Variants in ERAP1 observed in about 807,000 individuals in gnomAD.
ERAP1 encodes adipocyte-derived leucine aminopeptidase.
In ERAP1, 86 loss-of-function variants were observed where a neutral mutation model predicts 103.7. The ratio of observed to expected loss-of-function variants is 0.83; its 90% CI spans 0.70 to 0.99. The LOEUF is 0.99. ERAP1 is among the 50% of genes least tolerant of loss of function. ERAP1 has a pLI of 0.00. For synonymous variants in ERAP1, 398 were observed against 402.4 expected (o/e 0.99, Z 0.13); for missense variants, 1,009 against 1,128.4 (o/e 0.89, Z 1.52).
the ERAP1 span, among the ~76,000 whole-genome samples, chr5:96,834,079 A>G: frequency 1.3e-5 from 2 of 152,248 alleles, no homozygotes; most frequent in Non-Finnish European, 2.9e-5. Flanking sequence ...GCTTCACAGA[A>G]TGAGAAAGCG....
chr5:96,890,795 T>C, the ERAP1 span, among the ~76,000 whole-genome samples: 1 of 152,206 alleles, frequency 6.6e-6, no homozygotes, highest in South Asian at 2.1e-4. Context: ...AGGTTCTATA[T>C]ACTCTTTAGT....
At chr5:96,849,108 G>A in the ERAP1 span, among the ~76,000 whole-genome samples, 1 of 151,924 alleles carries the variant, frequency 6.6e-6, no homozygotes, top group African/African-American at 2.4e-5. Context: ...AATAATATAG[G>A]CATCAAAGAA....
the ERAP1 span, among the ~76,000 whole-genome samples, chr5:96,870,964 T>C: frequency 6.6e-6 from 1 of 152,220 alleles, no homozygotes; most frequent in African/African-American, 2.4e-5. Flanking sequence ...TCCTTTTCAG[T>C]GGTTCAGTTT....
chr5:96,789,765 C>A (rs1776519048), intron 10 of ERAP1, among the ~76,000 whole-genome samples: 1 of 152,178 alleles, frequency 6.6e-6, no homozygotes, highest in Non-Finnish European at 1.5e-5. Context: ...AAATTCAGAT[C>A]TCTGCTCTGC....
the ERAP1 span, among the ~76,000 whole-genome samples, chr5:96,866,144 C>T: frequency 6.6e-6 from 1 of 152,174 alleles, no homozygotes; most frequent in East Asian, 1.9e-4. Context: ...GTGTTATCTA[C>T]ATGCTTCATG....
At chr5:96,935,834 G>T in the ERAP1 span, 1 of 359,372 alleles carries the variant, frequency 2.8e-6, no homozygotes, top group Non-Finnish European at 5.1e-6. Flanking sequence ...CCCGGCCGGG[G>T]AGAGCGCCGC....
the ERAP1 span, among the ~76,000 whole-genome samples, chr5:96,884,121 G>C: frequency 1.4e-5 from 2 of 148,072 alleles, no homozygotes; most frequent in Non-Finnish European, 3.0e-5. Flanking sequence ...ACATCATTCT[G>C]TTTGGGGCAT....
chr5:96,900,063 C>A, the ERAP1 span: 1 of 1,594,778 alleles, frequency 6.3e-7, no homozygotes, highest in Admixed American at 1.7e-5. Context: ...GGCTAATGTG[C>A]ACGTTCAGCC....
chr5:96,840,594 G>T, the ERAP1 span, among the ~76,000 whole-genome samples: 1 of 152,110 alleles, frequency 6.6e-6, no homozygotes, highest in Admixed American at 6.5e-5. Context: ...AATCTCAGTT[G>T]CTCTCAATCC....
At chr5:96,892,321 T>C in the ERAP1 span, 1 of 1,613,934 alleles carries the variant, frequency 6.2e-7, no homozygotes, top group Non-Finnish European at 8.5e-7. Context: ...TTCCTGACTT[T>C]GCACCTGGAG....
In ERAP1 at chr5:96,783,993, C is replaced by G; in HGVS notation, c.2031G>C (p.Leu677Phe). Residue 677 changes from leucine (L) to phenylalanine (F), a missense_variant, in exon 14 of 19, where the codon TTG (leucine) becomes TTC (phenylalanine). Coordinates refer to ENST00000443439, the MANE Select transcript of ERAP1 (RefSeq NM_001040458.3). ...ACTTATACATAGGAATCAGCTCATT[C>G]AAACCTTGAAACACGGGCATAATTT... ...ETEIMPVFQG[L>F]NELIPMYKLM... is the part of the protein sequence containing the mutation. 1 of 1,614,034 alleles carries G rather than the reference C, an allele frequency of 6.2e-7. No homozygotes were observed. The highest frequency in any genetic ancestry group is 8.5e-7 in the Non-Finnish European group (1 of 1,179,976).
At chr5:96,763,078 G>T in exon 20 of ERAP1, 1 of 771,126 alleles carries the variant, frequency 1.3e-6, no homozygotes. Flanking sequence ...CTTTGGTTGA[G>T]AACAGTGCCT....
the ERAP1 span, among the ~76,000 whole-genome samples, chr5:96,852,252 A>C: frequency 6.6e-6 from 1 of 152,174 alleles, no homozygotes. Flanking sequence ...CATAGATAAA[A>C]TATTGTTTTT....
chr5:96,816,639 C>A, the ERAP1 span, among the ~76,000 whole-genome samples: 1 of 152,154 alleles, frequency 6.6e-6, no homozygotes, highest in Non-Finnish European at 1.5e-5. Context: ...AGGCATTCAA[C>A]CAGTTGGAGT....
At chr5:96,806,387 T>G (rs1778594089) in intron 1 of ERAP1, among the ~76,000 whole-genome samples, 1 of 152,158 alleles carries the variant, frequency 6.6e-6, no homozygotes, top group South Asian at 2.1e-4. Context: ...CCACTAACAC[T>G]TAAAGGAATA....
At chr5:96,823,015 A>C in the ERAP1 span, 1 of 455,928 alleles carries the variant, frequency 2.2e-6, no homozygotes, top group Non-Finnish European at 4.4e-6. Context: ...AGGTTGTAGG[A>C]CAGAGCACTT....
the ERAP1 span, chr5:96,883,794 T>A: frequency 6.2e-7 from 1 of 1,610,524 alleles, no homozygotes; most frequent in Admixed American, 1.7e-5. Flanking sequence ...TTTCACAGAA[T>A]TCTTGCAGTA....
chr5:96,785,987 TAAATC>T lies in ERAP1; in HGVS notation c.1760-21_1760-17del, dbSNP rs750592604. 7.5e-5 allele frequency: 121 copies of T among 1,612,842 alleles called. No individual in the cohort carries two copies. In the African/African-American group the frequency reaches 9.7e-4, roughly 13 times the overall value. On this transcript the variant is annotated splice_polypyrimidine_tract_variant and intron_variant, in intron 12 of 18. Transcript: ENST00000443439. ...ATGAGCACATCTAGAGTAAATAAAA[TAAATC>T]AAAGTTCCATTTGCTCCCCTGCCTG... is the stretch of plus-strand genomic sequence containing the variant.
chr5:96,922,295 C>A, the ERAP1 span, among the ~76,000 whole-genome samples: 1 of 152,048 alleles, frequency 6.6e-6, no homozygotes, highest in African/African-American at 2.4e-5. Flanking sequence ...GAGACTCCGT[C>A]TCAAAAAAAC....
Sources: gnomAD v4.1 joint callset for allele counts (sites outside exome capture counted in the v4.1 genomes callset) on GRCh38, gnomAD v4.1.1 for gene constraint, MANE v1.5 for transcripts, NCBI Gene and HGNC (gene_info 2026-07-23, HGNC 2026-07-21) for gene names.